Variants in PTPRF observed in about 807,000 individuals in gnomAD.
PTPRF encodes the protein receptor-type tyrosine-protein phosphatase F.
A neutral mutation model predicts 201.8 loss-of-function variants in PTPRF; 59 were observed. The ratio of observed to expected loss-of-function variants is 0.29; its 90% confidence interval spans 0.24 to 0.36. The LOEUF is 0.36. Ranked by LOEUF, PTPRF falls within the 10% of genes least tolerant of loss-of-function variation. PTPRF has a pLI of 1.00. For synonymous variants in PTPRF, 1,088 were observed against 1,089.7 expected, an observed-to-expected ratio of 1.00 and a Z score of 0.03; for missense variants, 2,132 against 2,690.5, an observed-to-expected ratio of 0.79 and a Z score of 4.59.
chr1:43,609,671 T>G (rs1225497322), intron 22 of PTPRF, among the ~76,000 whole-genome samples, 173 bp downstream of exon 22: 6 of 152,220 alleles, frequency 3.9e-5, no homozygotes, highest in African/African-American at 7.2e-5. Context: ...TTGGAATGAC[T>G]GGGGAGCCCC....
chr1:43,527,076 A>G (rs1455034093), upstream of PTPRF, among the ~76,000 whole-genome samples: 1 of 152,228 alleles, frequency 6.6e-6, no homozygotes, highest in Non-Finnish European at 1.5e-5. Context: ...GGGATGACCA[A>G]AAGGTGTATT....
chr1:43,605,167 A>G lies in PTPRF; in HGVS notation c.3136-23A>G, dbSNP rs376142005. 3.2e-6 allele frequency: 5 copies of G among 1,582,108 alleles called. No homozygotes were observed. In the African/African-American group the frequency reaches 5.4e-5, roughly 17 times the overall value. On this transcript the variant is annotated intron_variant, in intron 17 of 33. Coordinates refer to ENST00000359947, the MANE Select transcript of PTPRF (RefSeq NM_002840.5). ...TAGGGAACCTCACCCAAAGGCATTG[A>G]TTGCCCCTCCCGTCCCCCACAGATT...
At chr1:43,587,542 G>T (rs568029405) in intron 7 of PTPRF, among the ~76,000 whole-genome samples, 1 of 152,298 alleles carries the variant, frequency 6.6e-6, no homozygotes, top group East Asian at 1.9e-4. Context: ...TCTGTGATTT[G>T]GGGCTGTGTG....
chr1:43,583,622 T>A (rs1557769139), intron 7 of PTPRF, among the ~76,000 whole-genome samples: 1 of 152,194 alleles, frequency 6.6e-6, no homozygotes, highest in Non-Finnish European at 1.5e-5. Context: ...GCAAAAGTCC[T>A]GCAGTGTGTA....
At chr1:43,558,533 C>G (rs933133357) in intron 5 of PTPRF, among the ~76,000 whole-genome samples, 1 of 152,204 alleles carries the variant, frequency 6.6e-6, no homozygotes, top group Non-Finnish European at 1.5e-5. Flanking sequence ...CGGGGTGAGC[C>G]TGTCCTGGCT....
chr1:43,552,114 A>G (rs907651644), intron 3 of PTPRF, among the ~76,000 whole-genome samples: 15 of 83,258 alleles, frequency 1.8e-4, no homozygotes, highest in African/African-American at 6.9e-4. Context: ...CAAGAAAAAA[A>G]GAAAAAAAAA....
chr1:43,584,380 T>G (rs1648573350), intron 7 of PTPRF, among the ~76,000 whole-genome samples: 1 of 152,158 alleles, frequency 6.6e-6, no homozygotes, highest in East Asian at 1.9e-4. Context: ...GCCCTGAGCA[T>G]CCATCCATAT....
rs537387268 is a variant in PTPRF at position 43,544,816 on chromosome 1, C to T, written c.-45-215C>T. On this transcript the variant is annotated intron_variant, in intron 2 of 33. Coordinates refer to ENST00000359947, the MANE Select transcript of PTPRF (RefSeq NM_002840.5). Reference sequence around the variant, plus strand: ...TTCTCCCTCCACCGTGACTGTTGGGCTGTCCTTGTGGGTGCTGGGGAATAA... The same window carrying T: ...TTCTCCCTCCACCGTGACTGTTGGGTTGTCCTTGTGGGTGCTGGGGAATAA... Among the ~76,000 whole-genome samples the T allele has an allele frequency of 5.9e-5, 9 of 152,148 alleles. No homozygotes were observed. The East Asian group carries it at 1.7e-3, about 29-fold the overall frequency.
chr1:43,568,632 A>T lies in PTPRF; in HGVS notation c.380-958A>T, dbSNP rs186193277. 6.8e-4 allele frequency among the ~76,000 whole-genome samples: 104 copies of T among 152,284 alleles called. 1 individual carries two copies. Among genetic ancestry groups the T allele is most frequent in the Admixed American group, 1.4e-3 (22 of 15,296 alleles). ...GTGGTGAACGTGGGAGTCCCATTTG[A>T]TCTATACTAGTCCTGAGCCTGTCCT... On this transcript the variant is annotated intron_variant, in intron 5 of 33. Coordinates refer to ENST00000359947, the MANE Select transcript of PTPRF (RefSeq NM_002840.5).
At chr1:43,593,649 G>T (rs568476217) in intron 11 of PTPRF, among the ~76,000 whole-genome samples, 1 of 15,780 alleles carries the variant, frequency 6.3e-5, no homozygotes, top group Admixed American at 3.5e-4. Flanking sequence ...GTAAGCCACC[G>T]TGCCTGGCTC....
In PTPRF at chr1:43,588,674, T is replaced by C. The variant is rs1303648300; in HGVS notation, c.680-57T>C. ...TTCCTGAATGAGGGGCCCCTGCCCTTCCATGCAGTCGTGTGTCCTGCCCGG... is the reference window on the plus strand; with the variant it reads ...TTCCTGAATGAGGGGCCCCTGCCCTCCCATGCAGTCGTGTGTCCTGCCCGG... On this transcript the variant is annotated intron_variant, in intron 7 of 33. Transcript: ENST00000359947. This position sits in a 1 kb window ranked among gnomAD's most constrained non-coding sequence, Gnocchi z 5.3. 1.9e-6 allele frequency: 3 copies of C among 1,590,566 alleles called. No homozygotes were observed. In the African/African-American group the frequency reaches 4.0e-5, roughly 21 times the overall value.
At position 43,597,941 on chromosome 1, in the gene PTPRF, G is replaced by A. The variant is rs1652786746; in HGVS notation, c.2007G>A (p.Trp669Ter). Residue 669 changes from tryptophan (W) to a stop codon, truncating the protein, a stop_gained, in exon 12 of 34, where the codon TGG becomes TGA. Transcript: ENST00000359947. LOFTEE classifies it high-confidence loss of function. The part of the protein sequence containing the change: ...VDGISREHSS[W>*]DLVGLEKWTE... ...GCATCAGCCGTGAGCACTCCAGCTG[G>A]GACCTGGTGGGCCTGGAGAAGTGGA... The A allele has an allele frequency of 6.3e-7, 1 of 1,582,434 alleles. No homozygotes were observed. The highest frequency in any genetic ancestry group is 8.6e-7 in the Non-Finnish European group (1 of 1,163,824).
At chr1:43,602,300 G>A (rs1369443326) in intron 14 of PTPRF, among the ~76,000 whole-genome samples, 1 of 152,206 alleles carries the variant, frequency 6.6e-6, no homozygotes, top group Non-Finnish European at 1.5e-5. Context: ...CTTGCCTGTC[G>A]AGCAGCAATT....
intron 13 of PTPRF, 139 bp from the exon 14 acceptor site, chr1:43,601,932 G>T (rs186689071): frequency 2.2e-5 from 20 of 904,446 alleles, no homozygotes; most frequent in South Asian, 4.4e-5. Context: ...TTGTTCTGGG[G>T]TGCTACCCCC....
chr1:43,532,797 C>T (rs1418292524), intron 1 of PTPRF, among the ~76,000 whole-genome samples: 1 of 151,976 alleles, frequency 6.6e-6, no homozygotes, highest in Admixed American at 6.5e-5. Context: ...AAGTACAACC[C>T]CCTACATTCT....
chr1:43,574,729 C>G (rs1646809967), intron 6 of PTPRF, among the ~76,000 whole-genome samples: 1 of 152,344 alleles, frequency 6.6e-6, no homozygotes, highest in East Asian at 1.9e-4. Flanking sequence ...GCGGATTCTT[C>G]CCACATAACC....
chr1:43,604,983 T>C lies in PTPRF; in HGVS notation c.3118T>C (p.Ser1040Pro). Reference protein sequence around the residue: ...LSWEVPDSYKSAVPFKILYNG... With the variant: ...LSWEVPDSYKPAVPFKILYNG... ...CTGGGAGGTTCCCGACTCCTATAAG[T>C]CAGCTGTGCCCTTTAAGGTGAGTAA... Residue 1040 changes from serine (S) to proline (P), a missense_variant, in exon 17 of 34, where the codon TCA becomes CCA. Coordinates refer to ENST00000359947, the MANE Select transcript of PTPRF (RefSeq NM_002840.5). 1 of 1,614,058 alleles carries C rather than the reference T, an allele frequency of 6.2e-7. No individual in the cohort carries two copies. The highest frequency in any genetic ancestry group is 8.5e-7 in the Non-Finnish European group (1 of 1,180,014).
intron 5 of PTPRF, among the ~76,000 whole-genome samples, chr1:43,555,797 T>A (rs1645329079): frequency 6.6e-6 from 1 of 152,130 alleles, no homozygotes; most frequent in Admixed American, 6.5e-5. Flanking sequence ...AGTACCCTAA[T>A]TTATTTAGCC....
chr1:43,606,111 C>T (rs1365104497), intron 19 of PTPRF, 129 bp from the exon 20 acceptor site: 2 of 976,654 alleles, frequency 2.0e-6, no homozygotes, highest in African/African-American at 3.3e-5. Context: ...GTGGGTTGGG[C>T]AGGTGTGGGC....
Sources: allele counts gnomAD v4.1 joint callset (sites outside exome capture counted in the v4.1 genomes callset), GRCh38; gene constraint gnomAD v4.1.1; non-coding constraint Gnocchi (gnomAD v3.1); transcripts MANE v1.5; gene names NCBI Gene and HGNC (gene_info 2026-07-23, HGNC 2026-07-21).